DLG1: variants seen among roughly 807,000 people sequenced by gnomAD.
The protein encoded by DLG1 is discs large MAGUK scaffold protein 1.
A neutral mutation model predicts 123.4 loss-of-function variants in DLG1; 42 were observed. That is an observed-to-expected ratio of 0.34 (90% CI 0.27 to 0.44). The LOEUF (loss-of-function observed/expected upper bound fraction) is 0.44. Ranked by LOEUF, DLG1 falls within the 20% of genes least tolerant of loss-of-function variation. The pLI, the probability that DLG1 is intolerant of heterozygous loss-of-function variation, is 1.00. For synonymous variants in DLG1, 317 were observed against 356.2 expected (o/e 0.89, Z 1.24); for missense variants, 942 against 1,082.6 (o/e 0.87, Z 1.82).
chr3:197,288,109 T>C (rs540418854), intron 3 of DLG1, among the ~76,000 whole-genome samples: 200 of 152,168 alleles, frequency 1.3e-3, no homozygotes, highest in Non-Finnish European at 2.4e-3. Context: ...CTCACACCTG[T>C]AATCCCAGCA....
chr3:197,182,951 C>T (rs981534314), intron 5 of DLG1, among the ~76,000 whole-genome samples: 8 of 151,750 alleles, frequency 5.3e-5, no homozygotes, highest in Non-Finnish European at 8.8e-5. Context: ...TGTGATTTGA[C>T]TATGTGAAAA....
intron 4 of DLG1, among the ~76,000 whole-genome samples, chr3:197,267,552 C>T (rs770020735): frequency 2.9e-4 from 34 of 116,186 alleles, no homozygotes; most frequent in Admixed American, 1.2e-3. Flanking sequence ...TTCTTGAAAA[C>T]GTAGTTTGCC....
intron 18 of DLG1, among the ~76,000 whole-genome samples, chr3:197,074,676 G>A (rs928752151): frequency 2.6e-5 from 4 of 152,060 alleles, no homozygotes; most frequent in African/African-American, 9.7e-5. Context: ...TAGGAAATCT[G>A]TGGCCCTTAC....
chr3:197,117,787 T>C (rs770408169), intron 12 of DLG1, among the ~76,000 whole-genome samples: 16 of 152,156 alleles, frequency 1.1e-4, no homozygotes, highest in East Asian at 1.9e-4. Context: ...CACTACTGAA[T>C]TGTACACTTA....
intron 15 of DLG1, among the ~76,000 whole-genome samples, chr3:197,086,403 A>G (rs1334638695): frequency 6.6e-6 from 1 of 152,144 alleles, no homozygotes; most frequent in East Asian, 1.9e-4. Flanking sequence ...CTACCACTTG[A>G]TTAATTAATG....
At chr3:197,242,542 T>C (rs1000363679) in intron 4 of DLG1, among the ~76,000 whole-genome samples, 2 of 150,954 alleles carry the variant, frequency 1.3e-5, no homozygotes, top group East Asian at 1.9e-4. Flanking sequence ...TCATAGGCCA[T>C]GAGTCTGAAC....
At chr3:197,178,782 A>T (rs1485931840) in intron 5 of DLG1, among the ~76,000 whole-genome samples, 1 of 152,194 alleles carries the variant, frequency 6.6e-6, no homozygotes, top group East Asian at 1.9e-4. Context: ...CAGTTGTTGT[A>T]GGGTCAAGTA....
At chr3:197,185,777 G>T (rs1715571089) in intron 5 of DLG1, among the ~76,000 whole-genome samples, 1 of 152,160 alleles carries the variant, frequency 6.6e-6, no homozygotes, top group South Asian at 2.1e-4. Flanking sequence ...AATTAGTATG[G>T]ATGAAGATAC....
chr3:197,232,362 A>T (rs1485206089), intron 4 of DLG1, among the ~76,000 whole-genome samples: 1 of 45,772 alleles, frequency 2.2e-5, no homozygotes, highest in African/African-American at 4.5e-5. Flanking sequence ...CTTGTCTCTT[A>T]AAAAAAAAAA....
intron 4 of DLG1, among the ~76,000 whole-genome samples, chr3:197,249,012 G>T (rs1402390546): frequency 6.6e-6 from 1 of 151,988 alleles, no homozygotes; most frequent in Non-Finnish European, 1.5e-5. Flanking sequence ...AGACTTCAAA[G>T]AAATAATGCA....
At chr3:197,198,355 G>A (rs1430383814) in intron 4 of DLG1, among the ~76,000 whole-genome samples, 1 of 151,996 alleles carries the variant, frequency 6.6e-6, no homozygotes, top group Non-Finnish European at 1.5e-5. Context: ...GGGTGTGGTG[G>A]TGGGCACCTG....
chr3:197,047,676 G>T (rs962139901), intron 24 of DLG1, among the ~76,000 whole-genome samples: 3 of 151,882 alleles, frequency 2.0e-5, no homozygotes, highest in Non-Finnish European at 4.4e-5. Context: ...CTACACAATA[G>T]GGAAAGGCTA....
At chr3:197,125,673 T>C (rs1778683483) in intron 11 of DLG1, among the ~76,000 whole-genome samples, 1 of 152,172 alleles carries the variant, frequency 6.6e-6, no homozygotes, top group African/African-American at 2.4e-5. Context: ...AGTATTATCT[T>C]AGAAGCAAGT....
At chr3:197,085,784 AT>A in intron 15 of DLG1, 28 bp from the exon 16 acceptor site, 1 of 1,589,658 alleles carries the variant, frequency 6.3e-7, no homozygotes. Flanking sequence ...AAAGTCCATA[AT>A]CACTTGTTAT....
At chr3:197,268,562 G>A (rs1762631382) in intron 4 of DLG1, among the ~76,000 whole-genome samples, 1 of 151,898 alleles carries the variant, frequency 6.6e-6, no homozygotes, top group Non-Finnish European at 1.5e-5. Context: ...TGGGACTACA[G>A]GCATGAAGGC....
chr3:197,068,608 A>ATAT (rs1741391320), intron 19 of DLG1: 2 of 956,598 alleles, frequency 2.1e-6, no homozygotes, highest in South Asian at 1.4e-5. Flanking sequence ...GCTACAACTG[A>ATAT]TATTATGTAC....
intron 3 of DLG1, among the ~76,000 whole-genome samples, chr3:197,285,788 G>C (rs1771546705): frequency 6.6e-6 from 1 of 152,132 alleles, no homozygotes; most frequent in African/African-American, 2.4e-5. Context: ...ATGCAAAATG[G>C]TACAACCACT....
rs145434224 is a variant in DLG1, at chr3:197,149,664, C to T, written c.537+79G>A. 4.8e-4 allele frequency: 426 copies of T among 881,260 alleles called. 2 individuals carry two copies. Among genetic ancestry groups the T allele is most frequent in the African/African-American group, 2.1e-3 (125 of 60,748 alleles). 54.6% of individuals were successfully genotyped at this position (881,260 alleles called of 1,614,324 possible). A position where few individuals can be genotyped will look rare whatever the true frequency, so the allele number is the denominator to read the frequency against. ...GAGAAATGTATTAGAGAAAACAATG[C>T]CATGGTCTTCGCATTTGTATCAAAA... On this transcript the variant is annotated intron_variant, in intron 6 of 24. Coordinates refer to ENST00000667157, the MANE Select transcript of DLG1 (RefSeq NM_001366207.1).
intron 3 of DLG1, among the ~76,000 whole-genome samples, chr3:197,292,481 G>C (rs1003652990): frequency 2.0e-5 from 3 of 152,144 alleles, no homozygotes; most frequent in Non-Finnish European, 2.9e-5. Flanking sequence ...TTGTTTATTC[G>C]GTATAGGATT....
Sources: gnomAD v4.1 joint callset for allele counts (sites outside exome capture counted in the v4.1 genomes callset) on GRCh38, gnomAD v4.1.1 for gene constraint, MANE v1.5 for transcripts, NCBI Gene and HGNC (gene_info 2026-07-23, HGNC 2026-07-21) for gene names.